NOX4: variants seen among roughly 807,000 people sequenced by gnomAD.
NOX4 encodes NADPH oxidase 4.
In NOX4, 69 loss-of-function variants were observed where a neutral mutation model predicts 87.6. That is an observed-to-expected ratio of 0.79 (90% CI 0.65 to 0.96). NOX4 has a LOEUF of 0.96. NOX4 is among the 40% of genes least tolerant of loss of function. NOX4 has a pLI of 0.00. For missense variants in NOX4, 680 were observed against 681.5 expected (o/e 1.00, Z 0.02); for synonymous variants, 275 against 238.2 (o/e 1.15, Z -1.42).
chr11:89,529,533 G>C, the NOX4 span, among the ~76,000 whole-genome samples: 3 of 152,048 alleles, frequency 2.0e-5, no homozygotes, highest in East Asian at 5.8e-4. Flanking sequence ...CTAAAGCCAA[G>C]GTTACTTGTT....
At chr11:89,404,901 A>T (rs575864569) in intron 8 of NOX4, among the ~76,000 whole-genome samples, 216 of 152,284 alleles carry the variant, frequency 1.4e-3, no homozygotes, top group Non-Finnish European at 2.4e-3. Context: ...GTTTTTATTT[A>T]TATTACACAG....
At chr11:89,429,583 T>A (rs977071907) in intron 7 of NOX4, among the ~76,000 whole-genome samples, 1 of 152,042 alleles carries the variant, frequency 6.6e-6, no homozygotes, top group Non-Finnish European at 1.5e-5. Context: ...TATAAACACC[T>A]CTACGCAAAT....
chr11:89,548,316 A>G, the NOX4 span: 1 of 152,212 alleles, frequency 6.6e-6, no homozygotes, highest in Non-Finnish European at 1.5e-5. Flanking sequence ...CTTCGACCAC[A>G]TGAGGATACA....
At chr11:89,587,503 C>T in the NOX4 span, among the ~76,000 whole-genome samples, 34 of 151,946 alleles carry the variant, frequency 2.2e-4, no homozygotes, top group African/African-American at 4.8e-4. Context: ...TCCAGATGAA[C>T]GCAATCAGAG....
the NOX4 span, among the ~76,000 whole-genome samples, chr11:89,522,141 G>T: frequency 6.6e-6 from 1 of 152,154 alleles, no homozygotes; most frequent in Non-Finnish European, 1.5e-5. Flanking sequence ...ACTTAGGACA[G>T]AACTACCATT....
chr11:89,585,260 TC>T, the NOX4 span, among the ~76,000 whole-genome samples: 1 of 152,154 alleles, frequency 6.6e-6, no homozygotes, highest in Non-Finnish European at 1.5e-5. Context: ...ATGCTGCTCC[TC>T]CTGGACACAT....
chr11:89,372,677 A>G (rs1939532819), intron 12 of NOX4, among the ~76,000 whole-genome samples: 1 of 151,964 alleles, frequency 6.6e-6, no homozygotes. Flanking sequence ...CTGGTTCCCT[A>G]CAGATTTTAC....
intron 2 of NOX4, among the ~76,000 whole-genome samples, chr11:89,487,151 A>G (rs1946660578): frequency 1.3e-5 from 2 of 152,208 alleles, no homozygotes; most frequent in Non-Finnish European, 2.9e-5. Context: ...CAGAGGTCAG[A>G]CAGGGCTGTA....
chr11:89,357,819 T>C (rs568365128), intron 12 of NOX4, among the ~76,000 whole-genome samples: 2 of 152,230 alleles, frequency 1.3e-5, no homozygotes, highest in Middle Eastern at 3.4e-3. Context: ...TTTCTCTTTT[T>C]ACATAACCAT....
the NOX4 span, among the ~76,000 whole-genome samples, chr11:89,569,176 C>A: frequency 3.7e-5 from 5 of 134,766 alleles, no homozygotes; most frequent in Non-Finnish European, 1.6e-5. Context: ...ACAAAGATTC[C>A]AAAATTGAAA....
chr11:89,395,331 C>T (rs1262649564), intron 11 of NOX4, among the ~76,000 whole-genome samples: 1 of 152,124 alleles, frequency 6.6e-6, no homozygotes. Flanking sequence ...ATATTCTTTG[C>T]CCACTTTATG....
At chr11:89,562,685 C>T in the NOX4 span, among the ~76,000 whole-genome samples, 1 of 152,172 alleles carries the variant, frequency 6.6e-6, no homozygotes, top group Non-Finnish European at 1.5e-5. Flanking sequence ...TTTTCTGAAA[C>T]TGTTCCTGAC....
chr11:89,398,761 C>A (rs1460848259), intron 11 of NOX4, among the ~76,000 whole-genome samples: 1 of 151,728 alleles, frequency 6.6e-6, no homozygotes, highest in East Asian at 2.0e-4. Context: ...TCTCAATTAT[C>A]TTTCTTAGAA....
the NOX4 span, among the ~76,000 whole-genome samples, chr11:89,554,226 T>G: frequency 3.3e-5 from 5 of 152,162 alleles, no homozygotes; most frequent in African/African-American, 4.8e-5. Context: ...GCATTTTATT[T>G]ATTTTTCTAA....
intron 11 of NOX4, among the ~76,000 whole-genome samples, chr11:89,377,511 A>T (rs908439211): frequency 3.9e-5 from 6 of 152,146 alleles, no homozygotes; most frequent in African/African-American, 1.4e-4. Flanking sequence ...TCAATATGGC[A>T]TTGGGTTTTT....
intron 4 of NOX4, among the ~76,000 whole-genome samples, chr11:89,445,088 G>A (rs1293677262): frequency 3.3e-5 from 5 of 152,066 alleles, no homozygotes; most frequent in Admixed American, 2.0e-4. Context: ...CAGGTAACTC[G>A]CTGGAAAATT....
chr11:89,578,307 G>A, the NOX4 span, among the ~76,000 whole-genome samples: 2 of 151,822 alleles, frequency 1.3e-5, no homozygotes, highest in African/African-American at 4.8e-5. Flanking sequence ...GACTACAGGT[G>A]CATGCCACCA....
chr11:89,461,377 G>A (rs1591314286), intron 2 of NOX4, among the ~76,000 whole-genome samples: 2 of 151,758 alleles, frequency 1.3e-5, no homozygotes, highest in Non-Finnish European at 2.9e-5. Context: ...AGGTGCGGTG[G>A]GTTACGCCTG....
At chr11:89,488,023 G>A (rs1217893269) in intron 2 of NOX4, among the ~76,000 whole-genome samples, 1 of 151,884 alleles carries the variant, frequency 6.6e-6, no homozygotes, top group Non-Finnish European at 1.5e-5. Context: ...ATTAATGACT[G>A]GAAAATTCAT....
Sources: gnomAD v4.1 joint callset for allele counts (sites outside exome capture counted in the v4.1 genomes callset) on GRCh38, gnomAD v4.1.1 for gene constraint, MANE v1.5 for transcripts, NCBI Gene and HGNC (gene_info 2026-07-23, HGNC 2026-07-21) for gene names.